IQCJ: variants seen among roughly 807,000 people sequenced by gnomAD.
IQCJ encodes IQ motif containing J.
Under a neutral mutation model 11.0 loss-of-function variants are expected in IQCJ, and 9 were observed. The ratio of observed to expected loss-of-function variants is 0.82; its 90% CI spans 0.49 to 1.43. The LOEUF is 1.43. IQCJ is among the 40% of genes most tolerant of loss of function. The pLI is 0.00. For synonymous variants in IQCJ, 55 were observed against 51.3 expected, an observed-to-expected ratio of 1.07 and a Z score of -0.31; for missense variants, 146 against 133.2, an observed-to-expected ratio of 1.10 and a Z score of -0.47.
intron 1 of IQCJ, among the ~76,000 whole-genome samples, chr3:159,086,935 C>T (rs1044773822): frequency 6.6e-6 from 1 of 152,116 alleles, no homozygotes; most frequent in Non-Finnish European, 1.5e-5. Context: ...ATTGCCCTGG[C>T]CAAAACTTCC....
intron 1 of IQCJ, among the ~76,000 whole-genome samples, chr3:159,173,691 G>A (rs35582286): frequency 0.25 from 37,962 of 152,040 alleles, 5,095 homozygotes; most frequent in South Asian, 0.38. Context: ...AGCGAAGTTT[G>A]CTGCCAACTG....
At chr3:159,075,498 C>T (rs1386859748) in intron 1 of IQCJ, among the ~76,000 whole-genome samples, 1 of 152,056 alleles carries the variant, frequency 6.6e-6, no homozygotes, top group African/African-American at 2.4e-5. Context: ...CCTCATTCCT[C>T]ACTAGGGCTG....
chr3:159,257,053 C>A (rs1207685933), intron 3 of IQCJ, among the ~76,000 whole-genome samples: 1 of 152,200 alleles, frequency 6.6e-6, no homozygotes, highest in Non-Finnish European at 1.5e-5. Flanking sequence ...ACCTCTATGA[C>A]TCTAAGCATA....
At chr3:159,249,741 T>C (rs1188450082) in intron 2 of IQCJ, among the ~76,000 whole-genome samples, 73 of 152,236 alleles carry the variant, frequency 4.8e-4, no homozygotes, top group Non-Finnish European at 8.8e-5. Flanking sequence ...AGTTAAGTGA[T>C]AGTGGTGTCA....
intron 1 of IQCJ, among the ~76,000 whole-genome samples, chr3:159,197,788 G>A (rs987023647): frequency 6.6e-6 from 1 of 151,836 alleles, no homozygotes; most frequent in Admixed American, 6.6e-5. Flanking sequence ...TAAGCACATT[G>A]TTACCTTGTG....
At chr3:159,175,816 A>G (rs1349379313) in intron 1 of IQCJ, among the ~76,000 whole-genome samples, 7 of 152,174 alleles carry the variant, frequency 4.6e-5, no homozygotes, top group Admixed American at 4.6e-4. Context: ...CCTTGTATGC[A>G]CTAGATAAAT....
intron 1 of IQCJ, among the ~76,000 whole-genome samples, chr3:159,094,853 C>A (rs1717616523): frequency 6.6e-6 from 1 of 151,848 alleles, no homozygotes; most frequent in Non-Finnish European, 1.5e-5. Flanking sequence ...TAACTTCATT[C>A]TCATCATAAG....
chr3:159,089,591 C>T (rs556189800), intron 1 of IQCJ, among the ~76,000 whole-genome samples: 3 of 151,866 alleles, frequency 2.0e-5, no homozygotes, highest in African/African-American at 7.3e-5. Context: ...TCACATAGTC[C>T]CATATTTCTT....
rs181635147 is a variant in IQCJ, at chr3:159,210,855, A to G, written c.10-34988A>G. Among the ~76,000 whole-genome samples the G allele has an allele frequency of 6.4e-3, 978 of 152,180 alleles. 3 individuals are homozygous for G. The highest frequency in any genetic ancestry group is 0.022 in the African/African-American group (921 of 41,516). On this transcript the variant is annotated intron_variant, in intron 1 of 3. Transcript: ENST00000397832. ...CCGCTAATTTTTCTGTATTTTCAGT[A>G]GAGTTGGGATATCTCCATGTTGGTC... is the stretch of plus-strand genomic sequence containing the variant.
intron 1 of IQCJ, among the ~76,000 whole-genome samples, chr3:159,201,627 CTTTTTTTTTTTTTT>C (rs71144478): frequency 1.4e-5 from 1 of 70,314 alleles, no homozygotes; most frequent in Admixed American, 2.1e-4. Context: ...GATAATGATT[CTTTTTTTTTTTTTT>C]TTTTTTTTTT....
At chr3:159,096,010 A>C (rs1214652579) in intron 1 of IQCJ, among the ~76,000 whole-genome samples, 7 of 54,692 alleles carry the variant, frequency 1.3e-4, no homozygotes, top group Non-Finnish European at 2.5e-4. Context: ...ATTTCTCCGC[A>C]TCCTCTCCAG....
chr3:159,189,771 G>A (rs532752979), intron 1 of IQCJ, among the ~76,000 whole-genome samples: 19 of 152,308 alleles, frequency 1.2e-4, no homozygotes, highest in Middle Eastern at 3.4e-3. Flanking sequence ...GAAAAGAGGT[G>A]TCTGATCTTC....
intron 1 of IQCJ, among the ~76,000 whole-genome samples, chr3:159,158,626 A>G (rs1219464971): frequency 6.6e-6 from 1 of 152,198 alleles, no homozygotes; most frequent in African/African-American, 2.4e-5. Flanking sequence ...CTTGGGTGGG[A>G]AAAAATACAT....
intron 1 of IQCJ, among the ~76,000 whole-genome samples, chr3:159,161,963 G>A (rs921290817): frequency 2.0e-4 from 31 of 152,190 alleles, no homozygotes; most frequent in African/African-American, 4.8e-4. Context: ...GTCAGGTAGC[G>A]TGATGCCTCC....
chr3:159,214,201 A>G (rs2108099574), intron 1 of IQCJ, among the ~76,000 whole-genome samples: 1 of 151,708 alleles, frequency 6.6e-6, no homozygotes, highest in Non-Finnish European at 1.5e-5. Context: ...CAATCTGTTC[A>G]CTCTCCCTCC....
intron 2 of IQCJ, among the ~76,000 whole-genome samples, chr3:159,251,294 A>G (rs1404614794): frequency 6.6e-6 from 1 of 151,864 alleles, no homozygotes; most frequent in Non-Finnish European, 1.5e-5. Flanking sequence ...TACTACCACC[A>G]TATTCCTAGT....
At chr3:159,109,954 T>A (rs1718523380) in intron 1 of IQCJ, among the ~76,000 whole-genome samples, 1 of 152,224 alleles carries the variant, frequency 6.6e-6, no homozygotes. Context: ...ACTCCTAACT[T>A]TTGTGACATT....
At chr3:159,089,561 C>T (rs1234076387) in intron 1 of IQCJ, among the ~76,000 whole-genome samples, 1 of 151,908 alleles carries the variant, frequency 6.6e-6, no homozygotes, top group Non-Finnish European at 1.5e-5. Context: ...GTACACCAAT[C>T]AGATGAAGAT....
chr3:159,120,529 T>C (rs914572003), intron 1 of IQCJ, among the ~76,000 whole-genome samples: 10 of 152,220 alleles, frequency 6.6e-5, no homozygotes, highest in Admixed American at 6.5e-4. Context: ...ATTATAGCCA[T>C]ATCTGGGGAA....
Sources: allele counts gnomAD v4.1 joint callset (sites outside exome capture counted in the v4.1 genomes callset), GRCh38; gene constraint gnomAD v4.1.1; transcripts MANE v1.5; gene names NCBI Gene and HGNC (gene_info 2026-07-23, HGNC 2026-07-21).